Variants in NKTR observed in about 807,000 individuals in gnomAD.
NKTR encodes NK-tumor recognition protein.
Under a neutral mutation model 156.3 loss-of-function variants are expected in NKTR, and 67 were observed. The ratio of observed to expected loss-of-function variants is 0.43; its 90% CI spans 0.35 to 0.53. NKTR has a LOEUF of 0.53. Among genes scored for constraint, NKTR ranks in the 20% least tolerant of loss-of-function variants. The pLI is 0.01. For synonymous variants in NKTR, 640 were observed against 596.6 expected, an observed-to-expected ratio of 1.07 and a Z score of -1.06; for missense variants, 1,604 against 1,730.9, an observed-to-expected ratio of 0.93 and a Z score of 1.30.
intron 5 of NKTR, chr3:42,620,219 G>T: frequency 2.4e-6 from 3 of 1,268,772 alleles, no homozygotes; most frequent in Non-Finnish European, 2.0e-6. Context: ...TTTCCCAATG[G>T]GTTATTAATT....
chr3:42,627,559 T>C (rs1708503037), intron 6 of NKTR: 10 of 984,944 alleles, frequency 1.0e-5, no homozygotes, highest in Non-Finnish European at 1.2e-5. Context: ...TATAAAACTA[T>C]AGATTGTTTT....
chr3:42,618,079 G>A (rs569563345), intron 3 of NKTR, among the ~76,000 whole-genome samples: 10 of 152,106 alleles, frequency 6.6e-5, no homozygotes, highest in Admixed American at 2.0e-4. Context: ...GGCCGGGTGC[G>A]GTGGCTCAAG....
chr3:42,646,104 T>C lies in NKTR; in HGVS notation c.*129T>C, dbSNP rs1710333725. On this transcript the variant is annotated 3_prime_UTR_variant, in exon 17 of 17. Coordinates refer to ENST00000232978, the MANE Select transcript of NKTR (RefSeq NM_005385.4). ...TCAAAAATAGACACTTCTTAATTGT[T>C]ACTGGTTCATTTACATGTGGGGAGA... 1.7e-6 allele frequency: 1 copy of C among 585,892 alleles called. No individual in the cohort carries two copies. Among genetic ancestry groups the C allele is most frequent in the Non-Finnish European group, 3.1e-6 (1 of 324,322 alleles). 36.3% of individuals were successfully genotyped at this position (585,892 alleles called of 1,614,324 possible).
chr3:42,641,082 A>G (rs1559593777), intron 13 of NKTR, among the ~76,000 whole-genome samples: 1 of 152,182 alleles, frequency 6.6e-6, no homozygotes, highest in African/African-American at 2.4e-5. Context: ...GTTCTAGGCT[A>G]TGCAGCTAAC....
intron 7 of NKTR, 29 bp from the exon 8 acceptor site, chr3:42,631,142 A>G: frequency 6.2e-7 from 1 of 1,611,316 alleles, no homozygotes; most frequent in Non-Finnish European, 8.5e-7. Context: ...TTATCAAACC[A>G]GTTGTTTCTT....
chr3:42,634,118 G>T (rs141634189), intron 10 of NKTR, among the ~76,000 whole-genome samples: 15 of 152,184 alleles, frequency 9.9e-5, no homozygotes, highest in African/African-American at 3.6e-4. Context: ...GATGAAGCAT[G>T]GGTTCCAATT....
chr3:42,637,330 A>T lies in NKTR; in HGVS notation c.1626A>T (p.Ser542=), dbSNP rs1330543307. The T allele has an allele frequency of 1.7e-5, 28 of 1,614,088 alleles. No individual in the cohort carries two copies. The highest frequency in any genetic ancestry group is 2.3e-5 in the Non-Finnish European group (27 of 1,180,028). The change falls in exon 13 of 17, where the codon TCA becomes TCT. Residue 542 remains serine, a synonymous_variant. Transcript: ENST00000232978. Reference sequence around the variant, plus strand: ...GATCAAGGACTGCGTCAAAGTCCTCATCACATTCTCGAAGTAGATCAAAGT... The same window carrying T: ...GATCAAGGACTGCGTCAAAGTCCTCTTCACATTCTCGAAGTAGATCAAAGT... The part of the protein sequence containing the change: ...SSRSRTASKS[S]SHSRSRSKSR...
intron 8 of NKTR, among the ~76,000 whole-genome samples, 167 bp downstream of exon 8, chr3:42,631,483 TTTC>T (rs1708890249): frequency 6.6e-6 from 1 of 152,228 alleles, no homozygotes; most frequent in Non-Finnish European, 1.5e-5. Flanking sequence ...GATCTTACTT[TTTC>T]TTATTTCCTT....
intron 15 of NKTR, 22 bp downstream of exon 15, chr3:42,643,417 C>A: frequency 6.3e-7 from 1 of 1,595,652 alleles, no homozygotes; most frequent in Non-Finnish European, 8.6e-7. Flanking sequence ...GATTGGGAAA[C>A]CACCAGTGGG....
At chr3:42,612,871 C>T (rs968331418) in intron 2 of NKTR, among the ~76,000 whole-genome samples, 1 of 151,930 alleles carries the variant, frequency 6.6e-6, no homozygotes, top group African/African-American at 2.4e-5. Flanking sequence ...AACTAAATAG[C>T]TTTATTAATT....
At chr3:42,615,154 C>T (rs1353956896) in intron 2 of NKTR, among the ~76,000 whole-genome samples, 1 of 151,672 alleles carries the variant, frequency 6.6e-6, no homozygotes, top group Non-Finnish European at 1.5e-5. Flanking sequence ...CCTCAGCTCA[C>T]TGCAACCTCC....
chr3:42,601,948 AAAT>A (rs1705530892), intron 2 of NKTR: 1 of 152,222 alleles, frequency 6.6e-6, no homozygotes, highest in African/African-American at 2.4e-5. Flanking sequence ...ACTAGGAAAA[AAAT>A]AACAGTGACT....
Position 42,645,752 on chromosome 3 carries a change from A to G in NKTR, c.4302-136A>G, listed in dbSNP as rs76480941. The G allele has an allele frequency of 1.1e-3, 609 of 545,868 alleles. 6 individuals carry two copies. The East Asian group carries it at 0.017, about 15-fold the overall frequency. 33.8% of individuals were successfully genotyped at this position (545,868 alleles called of 1,614,324 possible). On this transcript the variant is annotated intron_variant, in intron 16 of 16. Transcript: ENST00000232978. ...CCTACCTCTGTGTTATGCTGCATCA[A>G]TAGTGCATCAGTTATATGAGTGGCT...
rs1709688423 is a variant in NKTR, at chr3:42,639,384, A to T, written c.3680A>T (p.Lys1227Met). The change falls in exon 13 of 17, where the codon AAG (lysine) becomes ATG (methionine). Residue 1227 changes from lysine to methionine, a missense_variant. Physicochemically the swap from Lys to Met is moderately conservative, Grantham distance 95 (BLOSUM62 -1). Around this residue, in one of 6 missense-constraint regions of NKTR, gnomAD observed 1,255 missense variants for 1,243.7 expected, o/e 1.01. Coordinates refer to ENST00000232978, the MANE Select transcript of NKTR (RefSeq NM_005385.4). ...ATCAACCTCATTGATAAGAAATGGA[A>T]GCCCCTGCAAGGTGTGGGGAACCTG... The part of the protein sequence containing the change: ...SQINLIDKKW[K>M]PLQGVGNLAA... The T allele has an allele frequency of 1.2e-6, 2 of 1,613,924 alleles. No homozygotes were observed.
intron 2 of NKTR, among the ~76,000 whole-genome samples, chr3:42,612,714 A>G (rs1455603675): frequency 3.3e-5 from 5 of 152,134 alleles, no homozygotes; most frequent in African/African-American, 7.2e-5. Context: ...TTCACAGCCT[A>G]TTCCTTAAAA....
At chr3:42,629,082 T>C in intron 6 of NKTR, 1 of 947,622 alleles carries the variant, frequency 1.1e-6, no homozygotes, top group Non-Finnish European at 1.3e-6. Flanking sequence ...ACCAATTTCT[T>C]GTCTTTAGTG....
At chr3:42,628,422 T>C (rs1708593605) in intron 6 of NKTR, 1 of 985,454 alleles carries the variant, frequency 1.0e-6, no homozygotes, top group South Asian at 4.7e-5. Context: ...AGTATGTTGC[T>C]GCATCGCTAC....
At chr3:42,624,499 C>G (rs1708196037) in intron 6 of NKTR, among the ~76,000 whole-genome samples, 1 of 152,038 alleles carries the variant, frequency 6.6e-6, no homozygotes, top group African/African-American at 2.4e-5. Flanking sequence ...ATTATAAAGT[C>G]ATAGAGTGGA....
At chr3:42,614,032 T>G (rs1368258396) in intron 2 of NKTR, among the ~76,000 whole-genome samples, 2 of 152,314 alleles carry the variant, frequency 1.3e-5, no homozygotes, top group East Asian at 3.9e-4. Flanking sequence ...ATTCTTGAAC[T>G]CCTGGTTTCA....
Sources: gnomAD v4.1 joint callset for allele counts (sites outside exome capture counted in the v4.1 genomes callset) on GRCh38, gnomAD v4.1.1 for gene constraint, gnomAD v4.1.1 regional missense constraint, MANE v1.5 for transcripts, NCBI Gene and HGNC (gene_info 2026-07-23, HGNC 2026-07-21) for gene names.